DNM2: variants seen among roughly 807,000 people sequenced by gnomAD.
DNM2 encodes the protein dynamin-2.
A neutral mutation model predicts 99.0 loss-of-function variants in DNM2; 15 were observed. That is an observed-to-expected ratio of 0.15 (90% CI 0.10 to 0.23). DNM2 has a LOEUF of 0.23. Ranked by LOEUF, DNM2 falls within the 10% of genes least tolerant of loss-of-function variation. The pLI is 1.00. For missense variants in DNM2, 742 were observed against 1,189.4 expected (o/e 0.62, Z 5.53); for synonymous variants, 525 against 481.2 (o/e 1.09, Z -1.19).
In DNM2 at chr19:10,795,614, G is replaced by C. The variant is rs2071904165; in HGVS notation, c.1196+175G>C. On this transcript the variant is annotated intron_variant, in intron 9 of 20. Transcript: ENST00000389253. This position sits in a 1 kb window ranked among gnomAD's most constrained non-coding sequence, Gnocchi z 4.2. ...GGGTCTCCAAGGGCACATGAGGGTGGATGTGTCTTAGTCCTGCGTCCATTG... is the reference window on the plus strand; with the variant it reads ...GGGTCTCCAAGGGCACATGAGGGTGCATGTGTCTTAGTCCTGCGTCCATTG... The C allele has an allele frequency of 1.4e-6, 1 of 704,916 alleles. No homozygotes were observed. Among genetic ancestry groups the C allele is most frequent in the African/African-American group, 1.8e-5 (1 of 57,062 alleles). 43.7% of individuals were successfully genotyped at this position (704,916 alleles called of 1,614,324 possible). A position where few individuals can be genotyped will look rare whatever the true frequency, so the allele number is the denominator to read the frequency against.
At chr19:10,782,413 T>C (rs2071410469) in intron 5 of DNM2, among the ~76,000 whole-genome samples, 1 of 149,334 alleles carries the variant, frequency 6.7e-6, no homozygotes, top group Non-Finnish European at 1.5e-5. Context: ...GGCTGAAGTG[T>C]AGTTGCATGA....
chr19:10,770,785 G>C (rs2070948028), intron 2 of DNM2, among the ~76,000 whole-genome samples: 1 of 152,132 alleles, frequency 6.6e-6, no homozygotes, highest in Non-Finnish European at 1.5e-5. Context: ...TCTATCACGA[G>C]AATAGCACGG....
Position 10,830,678 on chromosome 19 carries a change from C to T in DNM2, c.2543+300C>T. 3 of 581,962 alleles carry T rather than the reference C, an allele frequency of 5.2e-6. No homozygotes were observed. The highest frequency in any genetic ancestry group is 9.1e-6 in the Non-Finnish European group (3 of 330,592). 36.0% of individuals were successfully genotyped at this position (581,962 alleles called of 1,614,324 possible). A position where few individuals can be genotyped will look rare whatever the true frequency, so the allele number is the denominator to read the frequency against. ...GGCACCTCCTCCCACTGTTTACCTT[C>T]TTCTCCTTCCTGCTCCTGCCTGCCT... On this transcript the variant is annotated intron_variant, in intron 20 of 20. Coordinates refer to ENST00000389253, the MANE Select transcript of DNM2 (RefSeq NM_001005361.3). This position sits in a 1 kb window ranked among gnomAD's most constrained non-coding sequence, Gnocchi z 4.8.
At chr19:10,757,106 C>A (rs2070414536) in intron 1 of DNM2, among the ~76,000 whole-genome samples, 1 of 152,178 alleles carries the variant, frequency 6.6e-6, no homozygotes, top group South Asian at 2.1e-4. Flanking sequence ...CCACCCTCAA[C>A]CCCCCAGCGC....
At chr19:10,778,223 C>T (rs747101602) in intron 5 of DNM2, among the ~76,000 whole-genome samples, 11 of 151,532 alleles carry the variant, frequency 7.3e-5, no homozygotes, top group Non-Finnish European at 1.2e-4. Flanking sequence ...TTAATTGAGA[C>T]AGGGTTTCAC....
chr19:10,821,431 G>A (rs1258851228), intron 16 of DNM2, among the ~76,000 whole-genome samples: 1 of 152,156 alleles, frequency 6.6e-6, no homozygotes, highest in Non-Finnish European at 1.5e-5. Context: ...CGGGCAAAGT[G>A]GAGCAGCTCC....
intron 13 of DNM2, 131 bp from the exon 14 acceptor site, chr19:10,808,438 C>A: frequency 1.1e-6 from 1 of 904,580 alleles, no homozygotes; most frequent in Non-Finnish European, 1.6e-6. Flanking sequence ...CTGTTTTTTC[C>A]CCTGCTCTTC....
intron 9 of DNM2, among the ~76,000 whole-genome samples, chr19:10,797,047 A>G (rs1022814625): frequency 3.3e-5 from 5 of 152,032 alleles, no homozygotes; most frequent in Non-Finnish European, 5.9e-5. Flanking sequence ...GAGGGGGAAA[A>G]CAGTCCAAAC....
chr19:10,819,846 G>A lies in DNM2; in HGVS notation c.1672-134G>A, dbSNP rs529528042. On this transcript the variant is annotated intron_variant, in intron 15 of 20. Coordinates refer to ENST00000389253, the MANE Select transcript of DNM2 (RefSeq NM_001005361.3). ...GACGGACGGGGAAGGGCCGGCAGATGGGCTCATATACAGCAGCGACCAGCA... is the reference window on the plus strand; with the variant it reads ...GACGGACGGGGAAGGGCCGGCAGATAGGCTCATATACAGCAGCGACCAGCA... 7.4e-4 allele frequency: 598 copies of A among 805,692 alleles called. 6 individuals are homozygous for A. In the African/African-American group the frequency reaches 8.5e-3, roughly 11 times the overall value. 49.9% of individuals were successfully genotyped at this position (805,692 alleles called of 1,614,324 possible). A position where few individuals can be genotyped will look rare whatever the true frequency, so the allele number is the denominator to read the frequency against.
Position 10,830,010 on chromosome 19 carries a change from C to T in DNM2, c.2292-117C>T, listed in dbSNP as rs2073278327. 3.4e-6 allele frequency: 5 copies of T among 1,476,166 alleles called. No homozygotes were observed. The highest frequency in any genetic ancestry group is 2.8e-5 in the African/African-American group (2 of 72,046). 91.4% of individuals were successfully genotyped at this position (1,476,166 alleles called of 1,614,324 possible). On this transcript the variant is annotated intron_variant, in intron 19 of 20. Transcript: ENST00000389253. This position sits in a 1 kb window ranked among gnomAD's most constrained non-coding sequence, Gnocchi z 4.8. ...CTCAGGTTGGGGTGGGAGGATCCCA[C>T]TGCGCCTGCGCTGTCCCCATAGCCA... is the stretch of plus-strand genomic sequence containing the variant.
intron 1 of DNM2, among the ~76,000 whole-genome samples, chr19:10,726,856 C>G (rs1030592667): frequency 2.0e-5 from 3 of 152,158 alleles, no homozygotes; most frequent in Non-Finnish European, 2.9e-5. Flanking sequence ...GAGCGAGACT[C>G]TGTCTCAAAA....
chr19:10,734,924 T>A (rs920489264), intron 1 of DNM2, among the ~76,000 whole-genome samples: 9 of 151,554 alleles, frequency 5.9e-5, no homozygotes, highest in Non-Finnish European at 1.0e-4. Context: ...AGTCATGGAA[T>A]GTCCCTCAAT....
rs1266602717 is a variant in DNM2, at chr19:10,812,593, C to T, written c.1671+216C>T. 6.6e-6 allele frequency among the ~76,000 whole-genome samples: 1 copy of T among 152,138 alleles called. No individual in the cohort carries two copies. The highest frequency in any genetic ancestry group is 2.4e-5 in the African/African-American group (1 of 41,432). On this transcript the variant is annotated intron_variant, in intron 15 of 20. Transcript: ENST00000389253. The surrounding 1 kb of genome is among the most constrained non-coding windows in gnomAD (Gnocchi z 4.0). ...CACGAGGTCGGGAGTTTGAGACCAG[C>T]CTGGCCAACATGATGAAACCCCGTC...
chr19:10,747,054 T>A (rs1044347994), intron 1 of DNM2, among the ~76,000 whole-genome samples: 24 of 151,208 alleles, frequency 1.6e-4, no homozygotes, highest in African/African-American at 5.4e-4. Flanking sequence ...TTTTTTTTTT[T>A]AGTAGTAGAG....
intron 6 of DNM2, among the ~76,000 whole-genome samples, chr19:10,783,556 C>A (rs1032025763): frequency 6.6e-6 from 1 of 152,132 alleles, no homozygotes; most frequent in African/African-American, 2.4e-5. Context: ...GCTACTATTA[C>A]AACCATCACT....
At chr19:10,759,701 C>T (rs1240415534) in intron 1 of DNM2, 37 bp from the exon 2 acceptor site, 14 of 1,612,954 alleles carry the variant, frequency 8.7e-6, no homozygotes, top group South Asian at 4.4e-5. Context: ...TCGATCCGGA[C>T]GCAAGAGTAA....
chr19:10,776,192 C>T (rs1262463806), intron 4 of DNM2, among the ~76,000 whole-genome samples: 5 of 152,218 alleles, frequency 3.3e-5, no homozygotes, highest in Non-Finnish European at 7.3e-5. Flanking sequence ...CTCCATCGCC[C>T]AGATGCGATC....
chr19:10,771,977 CCCCAAGA>C, intron 2 of DNM2, among the ~76,000 whole-genome samples: 1 of 152,184 alleles, frequency 6.6e-6, no homozygotes, highest in South Asian at 2.1e-4. Context: ...CCCCCGCCTC[CCCCAAGA>C]CCCTTGTCAT....
intron 1 of DNM2, among the ~76,000 whole-genome samples, chr19:10,729,775 T>A (rs1043707787): frequency 2.6e-5 from 4 of 152,164 alleles, no homozygotes; most frequent in Non-Finnish European, 5.9e-5. Context: ...CACTGTCACT[T>A]CAGGGTATGT....
Sources: gnomAD v4.1 joint callset for allele counts (sites outside exome capture counted in the v4.1 genomes callset) on GRCh38, gnomAD v4.1.1 for gene constraint, Gnocchi (gnomAD v3.1) non-coding constraint, MANE v1.5 for transcripts, NCBI Gene and HGNC (gene_info 2026-07-23, HGNC 2026-07-21) for gene names.